The following SLC33A1 variants were observed in gnomAD, a reference collection of about 807,000 sequenced individuals.
The protein encoded by SLC33A1 is solute carrier family 33 member 1.
A neutral mutation model predicts 50.0 loss-of-function variants in SLC33A1; 20 were observed. The observed-to-expected ratio is 0.40, with a 90% CI of 0.28 to 0.58. The LOEUF is 0.58. SLC33A1 is among the 20% of genes least tolerant of loss of function. The pLI, the probability that SLC33A1 is intolerant of heterozygous loss-of-function variation, is 0.44. For missense variants in SLC33A1, 476 were observed against 657.0 expected, an observed-to-expected ratio of 0.72 and a Z score of 3.01; for synonymous variants, 265 against 251.8, an observed-to-expected ratio of 1.05 and a Z score of -0.50.
At chr3:155,838,611 G>A (rs556791598) in intron 2 of SLC33A1, among the ~76,000 whole-genome samples, 5 of 150,956 alleles carry the variant, frequency 3.3e-5, no homozygotes, top group Admixed American at 2.6e-4. Context: ...AACCCGGGAG[G>A]AGGAGGTTGC....
chr3:155,822,577 C>CA lies in SLC33A1; in HGVS notation c.*5632dup, dbSNP rs11424130. The CA allele has an allele frequency of 0.81, 100,376 of 123,454 alleles. 40,329 individuals are homozygous for CA. Among genetic ancestry groups the CA allele is most frequent in the Middle Eastern group, 0.85 (207 of 244 alleles). The allele number at this position is 123,454 out of a possible 1,614,324, so 7.6% of individuals were successfully genotyped here. A position where few individuals can be genotyped will look rare whatever the true frequency, so the allele number is the denominator to read the frequency against. On this transcript the variant is annotated 3_prime_UTR_variant, in exon 6 of 6. Coordinates refer to ENST00000643144, the MANE Select transcript of SLC33A1 (RefSeq NM_004733.4). The stretch of plus-strand genomic sequence containing the variant: ...TGGGCGACAGAGCAAGACTCCATCT[C>CA]AAAAAAAAAAAAAAAAAGAAATTTA...
At chr3:155,845,329 CT>C (rs971345679) in intron 1 of SLC33A1, among the ~76,000 whole-genome samples, 9 of 152,028 alleles carry the variant, frequency 5.9e-5, no homozygotes, top group Non-Finnish European at 1.2e-4. Flanking sequence ...AAGATTATTT[CT>C]TTTTTTCTTT....
intron 1 of SLC33A1, among the ~76,000 whole-genome samples, chr3:155,849,253 C>T (rs1190922573): frequency 1.3e-5 from 2 of 152,124 alleles, no homozygotes; most frequent in Non-Finnish European, 2.9e-5. Context: ...AACAATTACG[C>T]TTCCTTTTAA....
Position 155,824,854 on chromosome 3 carries a change from G to A in SLC33A1, c.*3356C>T, listed in dbSNP as rs973127593. ...GGGGTGAAATCCAAAAATTACTTTC[G>A]ATTTCAAAGGTTTAATATTTTTAAA... On this transcript the variant is annotated 3_prime_UTR_variant, in exon 6 of 6. Transcript: ENST00000643144. 1.3e-5 allele frequency: 2 copies of A among 151,972 alleles called. No individual in the cohort carries two copies. The highest frequency in any genetic ancestry group is 2.4e-5 in the African/African-American group (1 of 41,358). 9.4% of individuals were successfully genotyped at this position (151,972 alleles called of 1,614,324 possible).
chr3:155,847,759 T>A (rs1753232791), intron 1 of SLC33A1, among the ~76,000 whole-genome samples: 2 of 150,254 alleles, frequency 1.3e-5, no homozygotes, highest in Non-Finnish European at 3.0e-5. Flanking sequence ...AAAAAATAAA[T>A]AAATAAATAA....
intron 1 of SLC33A1, among the ~76,000 whole-genome samples, chr3:155,850,060 G>A (rs745659562): frequency 2.0e-5 from 3 of 151,316 alleles, no homozygotes; most frequent in Non-Finnish European, 4.4e-5. Context: ...CCAGGCTGGA[G>A]TGCAGTGGCG....
chr3:155,850,991 C>T (rs1382075239), intron 1 of SLC33A1, among the ~76,000 whole-genome samples: 3 of 151,594 alleles, frequency 2.0e-5, no homozygotes, highest in Non-Finnish European at 4.4e-5. Flanking sequence ...CGCCTGTAAT[C>T]CCAACACTTT....
At chr3:155,846,975 A>G (rs1753199958) in intron 1 of SLC33A1, among the ~76,000 whole-genome samples, 1 of 151,814 alleles carries the variant, frequency 6.6e-6, no homozygotes, top group South Asian at 2.1e-4. Context: ...TGGAAGTCAG[A>G]GGCAGGTGGA....
intron 3 of SLC33A1, 112 bp from the exon 4 acceptor site, chr3:155,833,697 A>G: frequency 1.1e-6 from 1 of 939,120 alleles, no homozygotes; most frequent in South Asian, 1.3e-5. Context: ...TAAACCTGTT[A>G]GGAGGTTAAA....
chr3:155,828,030 CAAAA>C lies in SLC33A1; in HGVS notation c.*176_*179del, dbSNP rs201290926. On this transcript the variant is annotated 3_prime_UTR_variant, in exon 6 of 6. Coordinates refer to ENST00000643144, the MANE Select transcript of SLC33A1 (RefSeq NM_004733.4). ...GTAAACTTTAAATACATTGACAAGG[CAAAA>C]AAAAAATATGATCAAATATACAGAA... 135 of 490,286 alleles carry C rather than the reference CAAAA, an allele frequency of 2.8e-4. No homozygotes were observed. Among genetic ancestry groups the C allele is most frequent in the African/African-American group, 2.6e-3 (127 of 49,688 alleles). The allele number at this position is 490,286 out of a possible 1,614,324, so 30.4% of individuals were successfully genotyped here. A position where few individuals can be genotyped will look rare whatever the true frequency, so the allele number is the denominator to read the frequency against.
At chr3:155,836,696 A>G (rs1412321823) in intron 2 of SLC33A1, among the ~76,000 whole-genome samples, 2 of 152,200 alleles carry the variant, frequency 1.3e-5, no homozygotes, top group Non-Finnish European at 2.9e-5. Context: ...CAGAAGCTCA[A>G]GACCAGTCTG....
Position 155,853,531 on chromosome 3 carries a change from A to G in SLC33A1, c.467T>C (p.Ile156Thr). 6.2e-7 allele frequency: 1 copy of G among 1,614,118 alleles called. No individual in the cohort carries two copies. ...ACGGTCCACCTGAGTGGATAAATAGATCATGAAGAGTCCTAGTATATACTG... is the reference window on the plus strand; with the variant it reads ...ACGGTCCACCTGAGTGGATAAATAGGTCATGAAGAGTCCTAGTATATACTG... Reference protein sequence around the residue: ...PTQYILGLFMIYLSTQVDRLL... With the variant: ...PTQYILGLFMTYLSTQVDRLL... The change falls in exon 1 of 6, where the codon ATC (isoleucine) becomes ACC (threonine). Residue 156 changes from isoleucine to threonine, a missense_variant. By Grantham distance (89) the Ile-to-Thr change is moderately conservative. Transcript: ENST00000643144.
At chr3:155,845,119 A>C (rs1298310887) in intron 1 of SLC33A1, 5 of 152,216 alleles carry the variant, frequency 3.3e-5, no homozygotes. Flanking sequence ...ATTCCAATTA[A>C]TGTTAAGCGA....
chr3:155,831,682 C>A (rs1265590473), intron 4 of SLC33A1, among the ~76,000 whole-genome samples: 1 of 151,938 alleles, frequency 6.6e-6, no homozygotes, highest in South Asian at 2.1e-4. Context: ...CTATAACATA[C>A]CGACAGAAAT....
chr3:155,851,478 T>A (rs534361087), intron 1 of SLC33A1, among the ~76,000 whole-genome samples: 3 of 151,906 alleles, frequency 2.0e-5, no homozygotes, highest in Admixed American at 6.6e-5. Flanking sequence ...CTCTACCTCC[T>A]CAGCTCAAGC....
chr3:155,838,769 A>T (rs1752806336), intron 2 of SLC33A1, among the ~76,000 whole-genome samples: 1 of 151,950 alleles, frequency 6.6e-6, no homozygotes, highest in African/African-American at 2.4e-5. Flanking sequence ...AGTCTGGCTT[A>T]AGCACAGGAG....
intron 1 of SLC33A1, among the ~76,000 whole-genome samples, chr3:155,843,275 C>T (rs1753002590): frequency 6.6e-6 from 1 of 152,204 alleles, no homozygotes; most frequent in Non-Finnish European, 1.5e-5. Flanking sequence ...CCATCAGTTA[C>T]ATTTCTTATA....
In SLC33A1 at chr3:155,854,065, A is replaced by T; in HGVS notation, c.-68T>A. 4 of 1,340,856 alleles carry T rather than the reference A, an allele frequency of 3.0e-6. No homozygotes were observed. Among genetic ancestry groups the T allele is most frequent in the Non-Finnish European group, 4.0e-6 (4 of 990,674 alleles). The allele number at this position is 1,340,856 out of a possible 1,614,324, so 83.1% of individuals were successfully genotyped here. ...GAGCGTTTTGGATCCGTCCAGTCCC[A>T]GGTCCAAGGCTGTCGCGCTGGACCA... On this transcript the variant is annotated 5_prime_UTR_variant, in exon 1 of 6. Transcript: ENST00000643144.
Sources: allele counts gnomAD v4.1 joint callset (sites outside exome capture counted in the v4.1 genomes callset), GRCh38; gene constraint gnomAD v4.1.1; transcripts MANE v1.5; gene names NCBI Gene and HGNC (gene_info 2026-07-23, HGNC 2026-07-21).